Variants in RTL4 observed in about 807,000 individuals in gnomAD.
RTL4 encodes the protein retrotransposon Gag-like protein 4.
Under a neutral mutation model 5.3 loss-of-function variants are expected in RTL4, and 4 were observed. The ratio of observed to expected loss-of-function variants is 0.75; its 90% CI spans 0.37 to 1.72. The LOEUF is 1.72. RTL4 is among the 40% of genes most tolerant of loss of function. RTL4 has a pLI of 0.04. For missense variants in RTL4, 260 were observed against 227.1 expected, an observed-to-expected ratio of 1.14 and a Z score of -0.93; for synonymous variants, 98 against 87.3, an observed-to-expected ratio of 1.12 and a Z score of -0.68.
the RTL4 span, among the ~76,000 whole-genome samples, chrX:112,294,701 A>G: frequency 8.9e-6 from 1 of 112,206 alleles, no homozygotes; most frequent in East Asian, 2.8e-4. Flanking sequence ...TCTCGCATCT[A>G]CTTTTAACCC....
chrX:112,155,156 G>A, the RTL4 span, among the ~76,000 whole-genome samples: 1 of 110,214 alleles, frequency 9.1e-6, no homozygotes, highest in Non-Finnish European at 1.9e-5. Context: ...ATAAATTTCT[G>A]TTTTTTGTAA....
chrX:112,140,546 G>C, the RTL4 span, among the ~76,000 whole-genome samples: 1 of 111,415 alleles, frequency 9.0e-6, no homozygotes, highest in Non-Finnish European at 1.9e-5. Context: ...TCTGGTTAGG[G>C]CTTGCTCTGC....
the RTL4 span, among the ~76,000 whole-genome samples, chrX:112,170,786 G>A: frequency 9.0e-6 from 1 of 111,340 alleles, no homozygotes; most frequent in African/African-American, 3.3e-5. Context: ...ATACTATGTT[G>A]AATATGAATA....
the RTL4 span, among the ~76,000 whole-genome samples, chrX:112,101,341 G>C: frequency 8.9e-6 from 1 of 111,763 alleles, no homozygotes; most frequent in African/African-American, 3.2e-5. Flanking sequence ...AAACAGTAAT[G>C]GTGAATGAAG....
the RTL4 span, among the ~76,000 whole-genome samples, chrX:112,386,894 A>T: frequency 1.8e-5 from 2 of 112,018 alleles, no homozygotes; most frequent in African/African-American, 6.5e-5. Flanking sequence ...TCTGGATCAA[A>T]TGGTAGTTCT....
the RTL4 span, among the ~76,000 whole-genome samples, chrX:112,217,393 G>T: frequency 2.7e-5 from 3 of 111,972 alleles, no homozygotes; most frequent in African/African-American, 9.7e-5. Context: ...ATTGTCAACA[G>T]CACTAGCAAC....
At chrX:112,319,248 C>T in the RTL4 span, among the ~76,000 whole-genome samples, 1 of 111,814 alleles carries the variant, frequency 8.9e-6, no homozygotes, top group East Asian at 2.8e-4. Context: ...CTAGTTAGTT[C>T]TTTGTGCTCT....
At chrX:112,180,602 T>C in the RTL4 span, among the ~76,000 whole-genome samples, 1 of 111,852 alleles carries the variant, frequency 8.9e-6, no homozygotes, top group Non-Finnish European at 1.9e-5. Context: ...TTGATGTAGG[T>C]CAAAGAAATG....
the RTL4 span, among the ~76,000 whole-genome samples, chrX:112,398,690 C>T: frequency 9.0e-6 from 1 of 111,451 alleles, no homozygotes; most frequent in Non-Finnish European, 1.9e-5. Context: ...TGAGCCACCG[C>T]ACCTGGCCTG....
chrX:112,276,867 A>G, the RTL4 span, among the ~76,000 whole-genome samples: 1 of 111,912 alleles, frequency 8.9e-6, no homozygotes, highest in Non-Finnish European at 1.9e-5. Flanking sequence ...ACTAGGTACT[A>G]TTGTATGTTT....
the RTL4 span, among the ~76,000 whole-genome samples, chrX:112,432,051 G>T: frequency 9.5e-6 from 1 of 105,491 alleles, no homozygotes; most frequent in Non-Finnish European, 2.0e-5. Context: ...CCCTACAAAG[G>T]ACATGAACTC....
At chrX:112,160,415 A>G in the RTL4 span, among the ~76,000 whole-genome samples, 1 of 112,215 alleles carries the variant, frequency 8.9e-6, no homozygotes, top group South Asian at 3.7e-4. Flanking sequence ...TATTCATTCC[A>G]CAAGCTTTAT....
the RTL4 span, among the ~76,000 whole-genome samples, chrX:112,171,103 A>T: frequency 6.2e-5 from 7 of 112,027 alleles, no homozygotes; most frequent in African/African-American, 2.3e-4. Context: ...AGCCATCTTG[A>T]TCATGGTGGA....
At chrX:112,239,389 G>A in the RTL4 span, among the ~76,000 whole-genome samples, 1 of 111,218 alleles carries the variant, frequency 9.0e-6, no homozygotes, top group Non-Finnish European at 1.9e-5. Context: ...TGGAAGCAGG[G>A]CCCAGTAGGA....
chrX:112,128,909 C>T, the RTL4 span, among the ~76,000 whole-genome samples: 25 of 111,220 alleles, frequency 2.2e-4, no homozygotes, highest in Middle Eastern at 4.7e-3. Flanking sequence ...AGATAGCCTA[C>T]TCAATAGGAG....
chrX:112,297,822 G>A, the RTL4 span, among the ~76,000 whole-genome samples: 4 of 111,499 alleles, frequency 3.6e-5, no homozygotes, highest in Non-Finnish European at 3.8e-5. Context: ...TTAGAGGTAC[G>A]TCATAGAAAA....
the RTL4 span, among the ~76,000 whole-genome samples, chrX:112,142,890 G>A: frequency 9.0e-6 from 1 of 111,203 alleles, no homozygotes; most frequent in Non-Finnish European, 1.9e-5. Context: ...GTGCACTGAT[G>A]TGATCTTGGG....
the RTL4 span, among the ~76,000 whole-genome samples, chrX:112,353,075 T>A: frequency 8.1e-5 from 9 of 111,379 alleles, no homozygotes; most frequent in African/African-American, 2.9e-4. Context: ...AAAAAACACA[T>A]GAAAAAATGC....
At chrX:112,454,879 G>A (rs146678011) in exon 1 of RTL4, 1 of 1,211,113 alleles carries the variant, frequency 8.3e-7, no homozygotes, top group African/African-American at 1.7e-5. Context: ...GGCCACCACA[G>A]TGATGCCTGT....
Sources: allele counts gnomAD v4.1 joint callset (sites outside exome capture counted in the v4.1 genomes callset), GRCh38; gene constraint gnomAD v4.1.1; transcripts MANE v1.5; gene names NCBI Gene and HGNC (gene_info 2026-07-23, HGNC 2026-07-21).